Variants in CLIC5 observed in about 807,000 individuals in gnomAD.
The protein encoded by CLIC5 is chloride intracellular channel protein 5.
Under a neutral mutation model 24.7 loss-of-function variants are expected in CLIC5, and 20 were observed. That is an observed-to-expected ratio of 0.81 (90% CI 0.57 to 1.18). The LOEUF is 1.18. CLIC5 is among the 50% of genes most tolerant of loss of function. The pLI is 0.00. For missense variants in CLIC5, 341 were observed against 326.1 expected (o/e 1.05, Z -0.35); for synonymous variants, 159 against 135.6 (o/e 1.17, Z -1.20).
At chr6:46,068,417 G>C (rs1464827728) in intron 1 of CLIC5, among the ~76,000 whole-genome samples, 3 of 152,010 alleles carry the variant, frequency 2.0e-5, no homozygotes, top group Admixed American at 2.0e-4. Flanking sequence ...GATTCCTGGG[G>C]GTAACTTATT....
At chr6:46,001,158 C>T in intron 1 of CLIC5, among the ~76,000 whole-genome samples, 1 of 152,128 alleles carries the variant, frequency 6.6e-6, no homozygotes, top group East Asian at 1.9e-4. Flanking sequence ...GTGACCTTAA[C>T]TGGGAGAGGA....
In CLIC5 at chr6:45,903,205, G is replaced by T. The variant is rs1217604797; in HGVS notation, c.639C>A (p.Gly213=). 1.9e-6 allele frequency: 3 copies of T among 1,612,108 alleles called. No homozygotes were observed. The highest frequency in any genetic ancestry group is 2.5e-6 in the Non-Finnish European group (3 of 1,179,392). ...RNYDIPAEMT[G]LWRYLKNAYA... ...AGGCGTTCTTGAGGTACCGCCACAGGCCTGTCATCTCAGCCGGGATATCAT... is the reference window on the plus strand; with the variant it reads ...AGGCGTTCTTGAGGTACCGCCACAGTCCTGTCATCTCAGCCGGGATATCAT... Residue 213 remains glycine, a synonymous_variant, in exon 6 of 6, where the codon GGC becomes GGA. Coordinates refer to ENST00000339561, the MANE Select transcript of CLIC5 (RefSeq NM_016929.5).
chr6:46,119,643 C>T, the CLIC5 span, among the ~76,000 whole-genome samples: 3 of 152,370 alleles, frequency 2.0e-5, no homozygotes, highest in African/African-American at 7.2e-5. Context: ...GGCATCGCCT[C>T]ATCAGGGAAG....
At chr6:46,010,980 A>G (rs754444831) in intron 1 of CLIC5, among the ~76,000 whole-genome samples, 3 of 152,286 alleles carry the variant, frequency 2.0e-5, no homozygotes, top group South Asian at 2.1e-4. Flanking sequence ...ACACCACAAG[A>G]TCTGATCCTA....
At chr6:46,057,121 T>C (rs1768281351) in intron 1 of CLIC5, among the ~76,000 whole-genome samples, 1 of 152,196 alleles carries the variant, frequency 6.6e-6, no homozygotes, top group African/African-American at 2.4e-5. Context: ...TTGCATTCTA[T>C]TCATCTGAGC....
At chr6:46,087,170 G>C in the CLIC5 span, among the ~76,000 whole-genome samples, 3 of 152,112 alleles carry the variant, frequency 2.0e-5, no homozygotes, top group African/African-American at 7.2e-5. Flanking sequence ...CCTCAGTGCT[G>C]TCTATTTTAG....
intron 1 of CLIC5, among the ~76,000 whole-genome samples, chr6:46,078,098 G>A (rs758089414): frequency 3.4e-4 from 51 of 152,130 alleles, no homozygotes; most frequent in Admixed American, 2.3e-3. Context: ...TGTGGCTCAC[G>A]TCTGTAATCC....
At chr6:45,881,843 A>G (rs1466741935) in intron 6 of CLIC5, among the ~76,000 whole-genome samples, 4 of 152,178 alleles carry the variant, frequency 2.6e-5, no homozygotes, top group Non-Finnish European at 4.4e-5. Flanking sequence ...TGGCCAAAGG[A>G]AAACCAACCT....
intron 4 of CLIC5, among the ~76,000 whole-genome samples, chr6:45,920,935 C>T (rs969389459): frequency 1.3e-5 from 2 of 152,134 alleles, no homozygotes; most frequent in East Asian, 1.9e-4. Context: ...TAACCAATCC[C>T]CTCCCCCACC....
chr6:46,059,392 T>C (rs1323476578), intron 1 of CLIC5, among the ~76,000 whole-genome samples: 2 of 152,266 alleles, frequency 1.3e-5, no homozygotes, highest in Non-Finnish European at 2.9e-5. Flanking sequence ...TAATTTTGTA[T>C]TTAAATTTAT....
intron 1 of CLIC5, among the ~76,000 whole-genome samples, chr6:46,025,131 C>T (rs1180304759): frequency 1.3e-5 from 2 of 152,040 alleles, no homozygotes; most frequent in Admixed American, 6.6e-5. Flanking sequence ...TTCTAGTCCT[C>T]TAATCTGGTG....
At chr6:46,102,914 T>C in the CLIC5 span, among the ~76,000 whole-genome samples, 1 of 152,208 alleles carries the variant, frequency 6.6e-6, no homozygotes, top group South Asian at 2.1e-4. Flanking sequence ...CGTGAAGAAT[T>C]GGTAATATTG....
chr6:45,922,048 CA>C (rs546170668), intron 4 of CLIC5, among the ~76,000 whole-genome samples: 341 of 152,290 alleles, frequency 2.2e-3, no homozygotes, highest in Non-Finnish European at 3.8e-3. Flanking sequence ...AAGCAAAATG[CA>C]ATGGCAACTT....
chr6:45,978,210 T>C (rs1765447530), intron 1 of CLIC5, among the ~76,000 whole-genome samples: 2 of 152,172 alleles, frequency 1.3e-5, no homozygotes, highest in Admixed American at 1.3e-4. Context: ...TAAACAGCAT[T>C]ACATTATGAT....
intron 1 of CLIC5, among the ~76,000 whole-genome samples, chr6:46,053,919 G>T (rs920485054): frequency 2.0e-5 from 3 of 152,236 alleles, no homozygotes; most frequent in African/African-American, 7.2e-5. Flanking sequence ...TGCAAGATCA[G>T]GTAGCTTTGC....
At chr6:45,897,037 G>A (rs138332590), downstream of CLIC5, among the ~76,000 whole-genome samples, 563 of 152,264 alleles carry the variant, frequency 3.7e-3, 7 homozygotes, top group African/African-American at 0.013. Context: ...TCCAGAGTTA[G>A]GACCAGTTTC....
intron 1 of CLIC5, among the ~76,000 whole-genome samples, chr6:46,077,407 C>T (rs911172081): frequency 9.2e-5 from 14 of 151,980 alleles, no homozygotes; most frequent in African/African-American, 3.1e-4. Context: ...GCCGTAAGCC[C>T]TACTAGGAAG....
In CLIC5 at chr6:45,900,544, G is replaced by GAAAAAAA. The variant is rs1762485474; in HGVS notation, c.*2543_*2544insTTTTTTT. On this transcript the variant is annotated 3_prime_UTR_variant, in exon 6 of 6. Transcript: ENST00000339561. ...TCTCTTTTGAAACAAAAAAAAAAAGGAAGGTAATATTAATATTATTGTTAC... is the reference window on the plus strand; with the variant it reads ...TCTCTTTTGAAACAAAAAAAAAAAGGAAAAAAAAAGGTAATATTAATATTATTGTTAC... 1 of 91,340 alleles carries GAAAAAAA rather than the reference G, an allele frequency of 1.1e-5. No homozygotes were observed. Among genetic ancestry groups the GAAAAAAA allele is most frequent in the African/African-American group, 5.2e-5 (1 of 19,068 alleles). The allele number at this position is 91,340 out of a possible 1,614,324, so 5.7% of individuals were successfully genotyped here.
intron 5 of CLIC5, chr6:45,913,838 G>T: frequency 8.1e-7 from 1 of 1,230,284 alleles, no homozygotes; most frequent in Non-Finnish European, 1.0e-6. Context: ...AAATGCATAT[G>T]AGGGCACATT....
Sources: gnomAD v4.1 joint callset for allele counts (sites outside exome capture counted in the v4.1 genomes callset) on GRCh38, gnomAD v4.1.1 for gene constraint, MANE v1.5 for transcripts, NCBI Gene and HGNC (gene_info 2026-07-23, HGNC 2026-07-21) for gene names.